Variants in TNRC6C observed in about 807,000 individuals in gnomAD.
TNRC6C encodes trinucleotide repeat containing adaptor 6C.
A neutral mutation model predicts 153.7 loss-of-function variants in TNRC6C; 20 were observed. The ratio of observed to expected loss-of-function variants is 0.13; its 90% CI spans 0.09 to 0.19. The LOEUF is 0.19. Among genes scored for constraint, TNRC6C ranks in the 10% least tolerant of loss-of-function variants. The probability of loss-of-function intolerance (pLI) is 1.00; values close to 1 mark genes in which losing one functional copy is unlikely to be tolerated. For synonymous variants in TNRC6C, 811 were observed against 841.4 expected, an observed-to-expected ratio of 0.96 and a Z score of 0.63; for missense variants, 1,987 against 2,172.0, an observed-to-expected ratio of 0.91 and a Z score of 1.69.
Position 78,059,232 on chromosome 17 carries a change from T to G in TNRC6C, c.2396-5490T>G, listed in dbSNP as rs140942053. Among the ~76,000 whole-genome samples, 11 of 152,364 alleles carry G rather than the reference T, an allele frequency of 7.2e-5. No individual in the cohort carries two copies. The East Asian group carries it at 2.1e-3, about 29-fold the overall frequency. On this transcript the variant is annotated intron_variant, in intron 3 of 19. Coordinates refer to ENST00000301624, the Ensembl canonical transcript of TNRC6C. ...TTCGGAAATAGATCCCATTGACCTC[T>G]GCAGCCAGAAGTAATTCTATTTTAA...
chr17:78,022,033 T>G (rs192032589), intron 1 of TNRC6C, among the ~76,000 whole-genome samples: 2 of 152,212 alleles, frequency 1.3e-5, no homozygotes, highest in African/African-American at 4.8e-5. Context: ...GGTCTAGCCT[T>G]TGGGCCAAAA....
intron 2 of TNRC6C, among the ~76,000 whole-genome samples, chr17:78,044,252 A>G (rs2143904829): frequency 6.6e-6 from 1 of 152,372 alleles, no homozygotes; most frequent in East Asian, 1.9e-4. Flanking sequence ...GTTGGTTGCT[A>G]GTCAACATGG....
intron 18 of TNRC6C, 70 bp from the exon 22 acceptor site, chr17:78,103,344 T>G (rs1178467335): frequency 1.9e-6 from 3 of 1,575,862 alleles, no homozygotes; most frequent in Non-Finnish European, 2.6e-6. Context: ...TCATACGTTT[T>G]TTCTTTGGAA....
intron 13 of TNRC6C, 114 bp downstream of exon 15, chr17:78,087,207 C>T: frequency 6.8e-7 from 1 of 1,476,358 alleles, no homozygotes; most frequent in Non-Finnish European, 9.0e-7. Context: ...GCGCTGAAAC[C>T]ATAGCCTGTT....
At chr17:77,961,206 A>C (rs957138748) in intron 1 of TNRC6C, among the ~76,000 whole-genome samples, 1 of 146,706 alleles carries the variant, frequency 6.8e-6, no homozygotes, top group Admixed American at 6.9e-5. Context: ...CCCAGGCTGG[A>C]GTGCAATGGC....
At chr17:78,040,676 T>A (rs887301026) in intron 2 of TNRC6C, among the ~76,000 whole-genome samples, 3 of 152,260 alleles carry the variant, frequency 2.0e-5, no homozygotes, top group Non-Finnish European at 4.4e-5. Context: ...TTTGGCTGAC[T>A]TTCAAAAACA....
upstream of TNRC6C, among the ~76,000 whole-genome samples, chr17:78,003,361 T>G (rs1008134676): frequency 6.6e-6 from 1 of 152,082 alleles, no homozygotes; most frequent in Non-Finnish European, 1.5e-5. Context: ...AAAAAAGATA[T>G]GCAGAAAACT....
intron 1 of TNRC6C, among the ~76,000 whole-genome samples, chr17:78,021,575 T>A (rs936817819): frequency 2.0e-5 from 3 of 151,848 alleles, no homozygotes; most frequent in African/African-American, 7.3e-5. Flanking sequence ...TATTTTTTTA[T>A]TTTTATTTTC....
At chr17:78,012,837 C>T (rs768379284) in intron 1 of TNRC6C, among the ~76,000 whole-genome samples, 1 of 152,240 alleles carries the variant, frequency 6.6e-6, no homozygotes, top group Non-Finnish European at 1.5e-5. Context: ...ATCTATCTCA[C>T]ACTTTCTACC....
chr17:77,965,771 A>G (rs2070892255), intron 1 of TNRC6C, among the ~76,000 whole-genome samples: 1 of 152,266 alleles, frequency 6.6e-6, no homozygotes, highest in South Asian at 2.1e-4. Context: ...ATAGATCATT[A>G]TATAGCTGTA....
chr17:77,995,851 G>A (rs192988929), intron 1 of TNRC6C, among the ~76,000 whole-genome samples: 10 of 152,276 alleles, frequency 6.6e-5, no homozygotes, highest in African/African-American at 2.4e-4. Flanking sequence ...TTTTCACAAC[G>A]TGGTACTTAA....
intron 1 of TNRC6C, among the ~76,000 whole-genome samples, chr17:78,010,155 T>G (rs1598680808): frequency 6.6e-6 from 1 of 152,206 alleles, no homozygotes; most frequent in African/African-American, 2.4e-5. Flanking sequence ...GATTACAGGC[T>G]TGAGCCACCA....
At chr17:77,996,230 C>T (rs531174161) in intron 1 of TNRC6C, among the ~76,000 whole-genome samples, 51 of 151,890 alleles carry the variant, frequency 3.4e-4, no homozygotes, top group Non-Finnish European at 5.6e-4. Flanking sequence ...CTGAGTAAGC[C>T]GAGGTTTAAA....
chr17:77,967,627 C>T (rs2070908213), intron 1 of TNRC6C, among the ~76,000 whole-genome samples: 1 of 152,134 alleles, frequency 6.6e-6, no homozygotes, highest in South Asian at 2.1e-4. Flanking sequence ...TTTCCTGAGG[C>T]CTCTGGGCAC....
intron 1 of TNRC6C, among the ~76,000 whole-genome samples, chr17:78,024,973 TAATAGAGACGG>T (rs1329759322): frequency 6.6e-6 from 1 of 151,160 alleles, no homozygotes; most frequent in Non-Finnish European, 1.5e-5. Flanking sequence ...TTTGTATTTT[TAATAGAGACGG>T]GGTTTCACCA....
At chr17:78,050,021 T>C (rs774226728) in exon 3 of TNRC6C, 7 of 1,613,344 alleles carry the variant, frequency 4.3e-6, no homozygotes. Context: ...AACAATGGCG[T>C]TGGTAATATC....
intron 3 of TNRC6C, among the ~76,000 whole-genome samples, chr17:78,062,691 A>G (rs1390739550): frequency 6.6e-6 from 1 of 152,202 alleles, no homozygotes; most frequent in African/African-American, 2.4e-5. Context: ...TGCAATATAA[A>G]ATGTTTTTTG....
chr17:78,105,621 G>A (rs942062511), exon 20 of TNRC6C: 4 of 151,258 alleles, frequency 2.6e-5, no homozygotes, highest in Non-Finnish European at 4.4e-5. Flanking sequence ...GTATGTGTGC[G>A]TGTTGAAACA....
chr17:78,046,536 C>T (rs998157806), intron 2 of TNRC6C, among the ~76,000 whole-genome samples: 1 of 152,098 alleles, frequency 6.6e-6, no homozygotes, highest in Non-Finnish European at 1.5e-5. Flanking sequence ...CTGCCTGTGG[C>T]TTGTTTTTTT....
Sources: allele counts gnomAD v4.1 joint callset (sites outside exome capture counted in the v4.1 genomes callset), GRCh38; gene constraint gnomAD v4.1.1; transcripts MANE v1.5; gene names NCBI Gene and HGNC (gene_info 2026-07-23, HGNC 2026-07-21).